Variants in AGMO observed in about 807,000 individuals in gnomAD.
AGMO encodes alkylglycerol monooxygenase.
Under a neutral mutation model 60.2 loss-of-function variants are expected in AGMO, and 75 were observed. The ratio of observed to expected loss-of-function variants is 1.25; its 90% CI spans 1.03 to 1.51. The LOEUF (loss-of-function observed/expected upper bound fraction) is 1.51, where lower values mean the gene tolerates loss of function less well. Ranked by LOEUF, AGMO falls within the 40% of genes most tolerant of loss-of-function variation. The pLI, the probability that AGMO is intolerant of heterozygous loss-of-function variation, is 0.00. For synonymous variants in AGMO, 261 were observed against 177.1 expected (o/e 1.47, Z -3.76); for missense variants, 763 against 525.5 (o/e 1.45, Z -4.42).
the AGMO span, among the ~76,000 whole-genome samples, chr7:15,170,332 G>T: frequency 1.3e-5 from 2 of 151,916 alleles, no homozygotes; most frequent in Admixed American, 6.6e-5. Context: ...TAGTTGAAAT[G>T]AGATGTATAA....
chr7:15,258,159 C>T (rs1296144584), intron 12 of AGMO, among the ~76,000 whole-genome samples: 2 of 152,180 alleles, frequency 1.3e-5, no homozygotes, highest in East Asian at 3.8e-4. Context: ...GCTAAGCTAT[C>T]ATCTTTAGTT....
intron 5 of AGMO, among the ~76,000 whole-genome samples, chr7:15,406,544 C>A: frequency 2.1e-5 from 2 of 94,730 alleles, no homozygotes; most frequent in African/African-American, 4.1e-5. Flanking sequence ...ACTCAAAAGG[C>A]CCCTTTGTTT....
At chr7:15,204,653 G>C (rs997145959) in intron 12 of AGMO, among the ~76,000 whole-genome samples, 1 of 152,138 alleles carries the variant, frequency 6.6e-6, no homozygotes, top group African/African-American at 2.4e-5. Context: ...AGTGGTCCTT[G>C]TCTTCAGGCT....
chr7:15,505,057 T>A (rs1783475417), intron 3 of AGMO, among the ~76,000 whole-genome samples: 1 of 151,982 alleles, frequency 6.6e-6, no homozygotes, highest in African/African-American at 2.4e-5. Context: ...TCATGACTAT[T>A]ATGTACAGCA....
chr7:15,204,714 T>C (rs1212210783), intron 12 of AGMO, among the ~76,000 whole-genome samples: 1 of 152,198 alleles, frequency 6.6e-6, no homozygotes, highest in African/African-American at 2.4e-5. Flanking sequence ...ACTTTTGGCC[T>C]GTACAGATGC....
chr7:15,496,005 C>T (rs1202384164), intron 3 of AGMO, among the ~76,000 whole-genome samples: 8 of 152,144 alleles, frequency 5.3e-5, no homozygotes, highest in Admixed American at 5.2e-4. Flanking sequence ...CTGGAGATTA[C>T]AGCTTCCACA....
At chr7:15,541,254 C>G (rs1784622790) in intron 3 of AGMO, among the ~76,000 whole-genome samples, 1 of 152,120 alleles carries the variant, frequency 6.6e-6, no homozygotes, top group South Asian at 2.1e-4. Flanking sequence ...TCCTGAGTAG[C>G]TGGGATTACA....
intron 12 of AGMO, among the ~76,000 whole-genome samples, chr7:15,329,360 G>A (rs1781434509): frequency 1.3e-5 from 2 of 152,138 alleles, no homozygotes; most frequent in Non-Finnish European, 2.9e-5. Context: ...AGGCACATAG[G>A]TGATGAGGAG....
At chr7:15,266,036 G>C (rs1334539168) in intron 12 of AGMO, among the ~76,000 whole-genome samples, 1 of 152,018 alleles carries the variant, frequency 6.6e-6, no homozygotes, top group Non-Finnish European at 1.5e-5. Flanking sequence ...GTTAGAAAAA[G>C]ACAAATTCGA....
At chr7:15,293,434 G>C (rs569119329) in intron 12 of AGMO, among the ~76,000 whole-genome samples, 7 of 152,162 alleles carry the variant, frequency 4.6e-5, no homozygotes, top group Admixed American at 3.9e-4. Context: ...GGGGATAAGA[G>C]TGAGAGAAGG....
intron 12 of AGMO, among the ~76,000 whole-genome samples, chr7:15,322,981 A>ATATATTT (rs1554413877): frequency 6.1e-5 from 9 of 146,408 alleles, no homozygotes; most frequent in African/African-American, 1.0e-4. Context: ...ATATATATGT[A>ATATATTT]TTTATTTTTT....
At chr7:15,165,087 C>T in the AGMO span, among the ~76,000 whole-genome samples, 1 of 152,120 alleles carries the variant, frequency 6.6e-6, no homozygotes, top group African/African-American at 2.4e-5. Context: ...TTCTCAGCTA[C>T]ATGGATGGAG....
chr7:15,244,464 C>T (rs1337604826), intron 12 of AGMO, among the ~76,000 whole-genome samples: 1 of 152,106 alleles, frequency 6.6e-6, no homozygotes, highest in African/African-American at 2.4e-5. Flanking sequence ...TACCCGACTC[C>T]TAATCCCTCC....
At position 15,476,359 on chromosome 7, in the gene AGMO, T is replaced by C. The variant is rs73679612; in HGVS notation, c.410-45251A>G. ...TTACTGAAAGTAGGGAACTATAACT[T>C]TCATGAAAAATTCAGTCTTTGAAGA... is the stretch of plus-strand genomic sequence containing the variant. On this transcript the variant is annotated intron_variant, in intron 3 of 12. Transcript: ENST00000342526. Among the ~76,000 whole-genome samples, 1,305 of 152,220 alleles carry C rather than the reference T, an allele frequency of 8.6e-3. 19 individuals are homozygous for C. The highest frequency in any genetic ancestry group is 0.03 in the African/African-American group (1,227 of 41,540).
chr7:15,499,460 A>T (rs1386626683), intron 3 of AGMO, among the ~76,000 whole-genome samples: 1 of 151,878 alleles, frequency 6.6e-6, no homozygotes, highest in Non-Finnish European at 1.5e-5. Flanking sequence ...TTTTTTACCT[A>T]TCAGGCTGGC....
At chr7:15,474,623 GGAC>G (rs1782544316) in intron 3 of AGMO, among the ~76,000 whole-genome samples, 1 of 152,076 alleles carries the variant, frequency 6.6e-6, no homozygotes, top group African/African-American at 2.4e-5. Flanking sequence ...ACACCATCAA[GGAC>G]ATAGTCATGG....
At chr7:15,299,594 G>C (rs960723345) in intron 12 of AGMO, among the ~76,000 whole-genome samples, 2 of 152,132 alleles carry the variant, frequency 1.3e-5, no homozygotes, top group African/African-American at 4.8e-5. Flanking sequence ...GGGAGGCCAA[G>C]GCGGGCAGAT....
the AGMO span, among the ~76,000 whole-genome samples, chr7:15,191,617 CA>C: frequency 6.6e-6 from 1 of 152,124 alleles, no homozygotes; most frequent in Non-Finnish European, 1.5e-5. Flanking sequence ...AAGTCTTCGT[CA>C]AATTGAATGG....
chr7:15,164,533 A>G, the AGMO span, among the ~76,000 whole-genome samples: 1 of 152,134 alleles, frequency 6.6e-6, no homozygotes, highest in South Asian at 2.1e-4. Context: ...AAACTCCACA[A>G]GACAAAAACA....
Sources: gnomAD v4.1 joint callset for allele counts (sites outside exome capture counted in the v4.1 genomes callset) on GRCh38, gnomAD v4.1.1 for gene constraint, MANE v1.5 for transcripts, NCBI Gene and HGNC (gene_info 2026-07-23, HGNC 2026-07-21) for gene names.